Variants in TPP2 observed in about 807,000 individuals in gnomAD.
TPP2 encodes the protein tripeptidyl peptidase 2.
A neutral mutation model predicts 155.9 loss-of-function variants in TPP2; 34 were observed. The observed-to-expected ratio is 0.22, with a 90% CI of 0.17 to 0.29. The LOEUF (loss-of-function observed/expected upper bound fraction) is 0.29. Ranked by LOEUF, TPP2 falls within the 10% of genes least tolerant of loss-of-function variation. TPP2 has a pLI of 1.00. For synonymous variants in TPP2, 510 were observed against 529.4 expected (o/e 0.96, Z 0.50); for missense variants, 1,028 against 1,522.3 (o/e 0.68, Z 5.40).
intron 22 of TPP2, 58 bp downstream of exon 22, chr13:102,649,209 T>A: frequency 1.3e-6 from 2 of 1,529,378 alleles, no homozygotes; most frequent in South Asian, 1.3e-5. Context: ...GTCCTTTTAA[T>A]GTCAGTTTAT....
intron 2 of TPP2, 22 bp from the exon 3 acceptor site, chr13:102,614,079 G>A (rs1880528823): frequency 6.2e-7 from 1 of 1,604,620 alleles, no homozygotes; most frequent in East Asian, 2.2e-5. Flanking sequence ...GAATGAACAG[G>A]TTACTCTTTT....
chr13:102,603,226 T>C (rs1879564131), intron 1 of TPP2, among the ~76,000 whole-genome samples: 1 of 152,224 alleles, frequency 6.6e-6, no homozygotes, highest in Admixed American at 6.5e-5. Context: ...TGACAGGCAC[T>C]GCTAGGTAGT....
chr13:102,621,789 G>A (rs1881187669), intron 5 of TPP2, among the ~76,000 whole-genome samples: 1 of 152,172 alleles, frequency 6.6e-6, no homozygotes, highest in Admixed American at 6.5e-5. Context: ...GAAGAACAGA[G>A]GGAGGACTTT....
chr13:102,675,370 T>C (rs1885225203), intron 28 of TPP2, among the ~76,000 whole-genome samples: 1 of 152,214 alleles, frequency 6.6e-6, no homozygotes, highest in Admixed American at 6.5e-5. Flanking sequence ...GCCCTTGAGT[T>C]TGGCTCCTGC....
intron 1 of TPP2, among the ~76,000 whole-genome samples, chr13:102,601,898 T>C (rs1196562030): frequency 6.6e-6 from 1 of 152,180 alleles, no homozygotes; most frequent in Non-Finnish European, 1.5e-5. Context: ...TAATGAAAAT[T>C]TGTGTGTGTA....
rs116225717 is a variant in TPP2, at chr13:102,636,996, T to C, written c.1679-86T>C. On this transcript the variant is annotated intron_variant, in intron 13 of 29. Transcript: ENST00000376052. ...TTTACAGCCAACCAAACCAAGTCGC[T>C]AAATTTTTTTGGAAAGATGTAACAT... 1,531 of 1,448,540 alleles carry C rather than the reference T, an allele frequency of 1.1e-3. 9 individuals are homozygous for C. In the African/African-American group the frequency reaches 0.018, roughly 17 times the overall value. The allele number at this position is 1,448,540 out of a possible 1,614,324, so 89.7% of individuals were successfully genotyped here.
intron 8 of TPP2, among the ~76,000 whole-genome samples, chr13:102,628,830 TACTTTA>T (rs1284355700): frequency 6.6e-6 from 1 of 152,168 alleles, no homozygotes; most frequent in Non-Finnish European, 1.5e-5. Context: ...TTTCTTTCTC[TACTTTA>T]ACTTTCATCC....
At position 102,638,332 on chromosome 13, in the gene TPP2, T is replaced by G. The variant is rs1426607368; in HGVS notation, c.1913+17T>G. 1.9e-6 allele frequency: 3 copies of G among 1,610,160 alleles called. No homozygotes were observed. In the African/African-American group the frequency reaches 4.0e-5, roughly 22 times the overall value. On this transcript the variant is annotated intron_variant, in intron 15 of 29. Coordinates refer to ENST00000376052, the MANE Select transcript of TPP2 (RefSeq NM_001330588.2). The stretch of plus-strand genomic sequence containing the variant: ...AGCAGCAAAGTAAGTAACAGGTTAC[T>G]CACAGCTTACTGGTACATCTAAGAT...
At position 102,678,797 on chromosome 13, in the gene TPP2, T is replaced by C. The variant is rs1885455152; in HGVS notation, c.*481T>C. On this transcript the variant is annotated 3_prime_UTR_variant, in exon 30 of 30. Transcript: ENST00000376052. ...TAACAGAACTTCATTTCCAGAATTT[T>C]TTTTTTTTTTTTTTTTTTTTGGCAA... is the stretch of plus-strand genomic sequence containing the variant. 9.0e-5 allele frequency: 2 copies of C among 22,248 alleles called. No individual in the cohort carries two copies. The highest frequency in any genetic ancestry group is 5.4e-4 in the Admixed American group (2 of 3,684). The allele number at this position is 22,248 out of a possible 1,614,324, so 1.4% of individuals were successfully genotyped here. A position where few individuals can be genotyped will look rare whatever the true frequency, so the allele number is the denominator to read the frequency against.
At chr13:102,621,320 A>G (rs1430708731) in intron 5 of TPP2, among the ~76,000 whole-genome samples, 1 of 152,194 alleles carries the variant, frequency 6.6e-6, no homozygotes, top group Non-Finnish European at 1.5e-5. Flanking sequence ...TCTTTGTACC[A>G]GGTTGACACC....
intron 9 of TPP2, among the ~76,000 whole-genome samples, chr13:102,629,838 G>T (rs1881896720): frequency 6.6e-6 from 1 of 152,196 alleles, no homozygotes; most frequent in Non-Finnish European, 1.5e-5. Flanking sequence ...GCTTTTAGGT[G>T]CATTAGCATA....
Position 102,676,388 on chromosome 13 carries a change from A to G in TPP2, c.3672A>G (p.Thr1224=), listed in dbSNP as rs373635290. The change falls in exon 29 of 30, where the codon ACA becomes ACG. Residue 1224 remains threonine (T), a synonymous_variant. Coordinates refer to ENST00000376052, the MANE Select transcript of TPP2 (RefSeq NM_001330588.2). ...FATKLVEEKP[T]KENWKNCIQL... ...CTAAACTTGTGGAAGAAAAACCAAC[A>G]AAAGAAAACTGGAAAAATTGTATTC... 1.9e-6 allele frequency: 3 copies of G among 1,611,012 alleles called. No individual in the cohort carries two copies. The highest frequency in any genetic ancestry group is 2.7e-5 in the African/African-American group (2 of 74,812).
chr13:102,616,094 T>A (rs954092824), intron 3 of TPP2, among the ~76,000 whole-genome samples: 2 of 152,154 alleles, frequency 1.3e-5, no homozygotes, highest in Middle Eastern at 3.4e-3. Context: ...GTAGCTGGGA[T>A]TACAGGCACC....
rs541887427 is a variant in TPP2, at chr13:102,672,512, A to G, written c.3372-1771A>G. Among the ~76,000 whole-genome samples the G allele has an allele frequency of 2.0e-3, 305 of 152,228 alleles. 3 individuals carry two copies. The highest frequency in any genetic ancestry group is 7.0e-3 in the African/African-American group (291 of 41,516). On this transcript the variant is annotated intron_variant, in intron 27 of 29. Transcript: ENST00000376052. ...CTTTTGCAAAACCTCGCGGCCTTCC[A>G]AGAAGGTTTGCATCTTTCCCTCTAA...
chr13:102,664,905 T>C lies in TPP2; in HGVS notation c.3351T>C (p.Pro1117=), dbSNP rs1471570713. 1 of 1,612,592 alleles carries C rather than the reference T, an allele frequency of 6.2e-7. No homozygotes were observed. Among genetic ancestry groups the C allele is most frequent in the Non-Finnish European group, 8.5e-7 (1 of 1,179,566 alleles). The part of the protein sequence containing the change: ...VYIAMKTDPR[P]DAATIKNDMD... ...TTGCAATGAAGACTGATCCCAGGCCTGATGCAGCTACTATAAAAAAGTACC... is the reference window on the plus strand; with the variant it reads ...TTGCAATGAAGACTGATCCCAGGCCCGATGCAGCTACTATAAAAAAGTACC... The change falls in exon 27 of 30, where the codon CCT becomes CCC. Residue 1117 remains proline, a synonymous_variant. Coordinates refer to ENST00000376052, the MANE Select transcript of TPP2 (RefSeq NM_001330588.2).
chr13:102,635,719 GA>G lies in TPP2; in HGVS notation c.1509+22del. 1 of 1,570,186 alleles carries G rather than the reference GA, an allele frequency of 6.4e-7. No homozygotes were observed. ...ATTATTCAGGTATTGTTGCCTATAT[GA>G]AAAATGGGTTGTAAAGCATCATTGA... is the stretch of plus-strand genomic sequence containing the variant. On this transcript the variant is annotated intron_variant, in intron 12 of 29. Transcript: ENST00000376052.
intron 24 of TPP2, among the ~76,000 whole-genome samples, chr13:102,652,272 T>C (rs1883547941): frequency 1.3e-5 from 2 of 151,682 alleles, no homozygotes; most frequent in Non-Finnish European, 2.9e-5. Context: ...AGCTACTCTA[T>C]TGGAGGCTGA....
chr13:102,601,358 G>A (rs1422649638), intron 1 of TPP2, among the ~76,000 whole-genome samples: 2 of 152,024 alleles, frequency 1.3e-5, no homozygotes, highest in East Asian at 1.9e-4. Context: ...CAAACTTCCC[G>A]CCATTTGTTC....
intron 25 of TPP2, among the ~76,000 whole-genome samples, chr13:102,662,522 AT>A (rs1291366818): frequency 1.3e-5 from 2 of 152,180 alleles, no homozygotes; most frequent in Non-Finnish European, 1.5e-5. Context: ...GGAAAAAAAA[AT>A]TTATAATTAA....
Sources: allele counts gnomAD v4.1 joint callset (sites outside exome capture counted in the v4.1 genomes callset), GRCh38; gene constraint gnomAD v4.1.1; transcripts MANE v1.5; gene names NCBI Gene and HGNC (gene_info 2026-07-23, HGNC 2026-07-21).